Variants in CFDP1 observed in about 807,000 individuals in gnomAD.
CFDP1 encodes chromatin remodeling protein CFDP1, also known as heterochromatin-stabilizing protein CFDP1.
In CFDP1, 31 loss-of-function variants were observed where a neutral mutation model predicts 40.1. The ratio of observed to expected loss-of-function variants is 0.77; its 90% confidence interval spans 0.58 to 1.04. The LOEUF (loss-of-function observed/expected upper bound fraction) is 1.04, where lower values mean the gene tolerates loss of function less well. CFDP1 is among the 50% of genes least tolerant of loss of function. The pLI is 0.00. For missense variants in CFDP1, 423 were observed against 343.4 expected (o/e 1.23, Z -1.83); for synonymous variants, 167 against 120.0 (o/e 1.39, Z -2.56).
Position 75,433,306 on chromosome 16 carries a change from T to G in CFDP1, c.47A>C (p.Glu16Ala). The G allele has an allele frequency of 6.2e-7, 1 of 1,601,128 alleles. No individual in the cohort carries two copies. The highest frequency in any genetic ancestry group is 8.5e-7 in the Non-Finnish European group (1 of 1,174,974). Residue 16 changes from glutamate to alanine, a missense_variant, in exon 1 of 7, where the codon GAG becomes GCG. Glu to Ala is a moderately radical substitution (Grantham distance 107). Coordinates refer to ENST00000283882, the MANE Select transcript of CFDP1 (RefSeq NM_006324.3). ...TCGCTCACCCGACGGCACGTAGTCC[T>G]CGTCCTCCTCCGACGTAGAGAAGTC... is the stretch of plus-strand genomic sequence containing the variant. ...SEDFSTSEED[E>A]DYVPSGGEYS...
intron 4 of CFDP1, 69 bp from the exon 5 acceptor site, chr16:75,395,278 A>G: frequency 6.6e-7 from 1 of 1,523,668 alleles, no homozygotes. Flanking sequence ...AGAAAAGGGA[A>G]TAAAGACAAC....
intron 5 of CFDP1, among the ~76,000 whole-genome samples, chr16:75,358,275 A>ACACAGTATCTGTGAAG (rs1491169360): frequency 6.6e-6 from 1 of 152,216 alleles, no homozygotes; most frequent in Admixed American, 6.5e-5. Context: ...TGTGTAAGAA[A>ACACAGTATCTGTGAAG]CACAGTATCT....
intron 5 of CFDP1, among the ~76,000 whole-genome samples, chr16:75,374,644 C>G (rs1399806693): frequency 6.6e-6 from 1 of 151,502 alleles, no homozygotes; most frequent in African/African-American, 2.4e-5. Context: ...TAGTGAGACC[C>G]CATCTCTTAA....
rs564922805 is a variant in CFDP1 at position 75,402,671 on chromosome 16, G to A, written c.531-7462C>T. 1.2e-4 allele frequency among the ~76,000 whole-genome samples: 18 copies of A among 152,084 alleles called. No individual in the cohort carries two copies. The South Asian group carries it at 3.3e-3, about 28-fold the overall frequency. On this transcript the variant is annotated intron_variant, in intron 4 of 6. Transcript: ENST00000283882. ...TAATGCTCTTAACTTGATACAGAGA[G>A]AAAAAGGAGAATAATGACATGAAGA...
chr16:75,395,227 A>C lies in CFDP1; in HGVS notation c.531-18T>G, dbSNP rs776352284. 14 of 1,612,030 alleles carry C rather than the reference A, an allele frequency of 8.7e-6. No individual in the cohort carries two copies. Among genetic ancestry groups the C allele is most frequent in the Admixed American group, 5.0e-5 (3 of 59,842 alleles). On this transcript the variant is annotated intron_variant, in intron 4 of 6. Transcript: ENST00000283882. ...TAGTTACCCTGTGCCAAGGAAAAAGACATCAAGCTTACAAGAAGAATAAAG... is the reference window on the plus strand; with the variant it reads ...TAGTTACCCTGTGCCAAGGAAAAAGCCATCAAGCTTACAAGAAGAATAAAG...
chr16:75,351,180 G>C (rs2078607923), intron 5 of CFDP1, among the ~76,000 whole-genome samples: 1 of 152,150 alleles, frequency 6.6e-6, no homozygotes, highest in African/African-American at 2.4e-5. Flanking sequence ...TAACCTGAGA[G>C]TTCTAAACTT....
chr16:75,360,514 T>C (rs1473575784), intron 5 of CFDP1, among the ~76,000 whole-genome samples: 1 of 152,184 alleles, frequency 6.6e-6, no homozygotes, highest in Non-Finnish European at 1.5e-5. Context: ...TTTTTGTACA[T>C]GGAAAGGAAT....
At chr16:75,309,693 G>A (rs925103250) in intron 5 of CFDP1, among the ~76,000 whole-genome samples, 13 of 151,860 alleles carry the variant, frequency 8.6e-5, no homozygotes, top group African/African-American at 1.5e-4. Context: ...GGTGGCAGGC[G>A]CCTGTAGTCC....
intron 4 of CFDP1, among the ~76,000 whole-genome samples, chr16:75,403,485 C>A (rs1401196906): frequency 6.6e-6 from 1 of 152,210 alleles, no homozygotes; most frequent in Non-Finnish European, 1.5e-5. Flanking sequence ...TCCCAAAGTG[C>A]CGGGATTACA....
intron 6 of CFDP1, among the ~76,000 whole-genome samples, chr16:75,295,874 A>G (rs1484717233): frequency 1.3e-5 from 2 of 152,176 alleles, no homozygotes; most frequent in African/African-American, 4.8e-5. Flanking sequence ...ACATCTAACA[A>G]CAAACTTACT....
intron 5 of CFDP1, among the ~76,000 whole-genome samples, chr16:75,325,427 G>A (rs149874708): frequency 6.6e-6 from 1 of 152,168 alleles, no homozygotes; most frequent in Non-Finnish European, 1.5e-5. Context: ...TCTCAATGAG[G>A]CTTATGCTGA....
At chr16:75,388,664 G>A (rs902248991) in intron 5 of CFDP1, among the ~76,000 whole-genome samples, 3 of 152,168 alleles carry the variant, frequency 2.0e-5, no homozygotes, top group African/African-American at 4.8e-5. Flanking sequence ...GGCCAAATGA[G>A]GAGACTGGGA....
At chr16:75,356,475 C>A (rs2078644525) in intron 5 of CFDP1, among the ~76,000 whole-genome samples, 1 of 152,158 alleles carries the variant, frequency 6.6e-6, no homozygotes, top group Admixed American at 6.5e-5. Context: ...GGAAACTATG[C>A]TGGAAACAGA....
chr16:75,305,076 C>A lies in CFDP1; in HGVS notation c.757G>T (p.Glu253Ter), dbSNP rs1488875324. The change falls in exon 6 of 7, where the codon GAG becomes TAG. Residue 253 changes from glutamate (E) to a stop codon, truncating the protein, a stop_gained. Transcript: ENST00000283882. LOFTEE classifies it high-confidence loss of function. ...AGTTCTTCACCAATCCCCTCTTCCT[C>A]CTTGAAGCTCTCCCAGTCCAGTTTG... ...KSKLDWESFKEEEGIGEELAI... is the reference protein window; with the variant it reads ...KSKLDWESFK 5.0e-6 allele frequency: 8 copies of A among 1,614,176 alleles called. No homozygotes were observed. Among genetic ancestry groups the A allele is most frequent in the Non-Finnish European group, 6.8e-6 (8 of 1,180,022 alleles).
At chr16:75,360,407 C>T (rs1230042446) in intron 5 of CFDP1, among the ~76,000 whole-genome samples, 2 of 152,214 alleles carry the variant, frequency 1.3e-5, no homozygotes, top group African/African-American at 4.8e-5. Context: ...CTATGACAAT[C>T]TGAGCTTCAA....
intron 1 of CFDP1, among the ~76,000 whole-genome samples, chr16:75,424,930 T>C (rs2079319845): frequency 6.6e-6 from 1 of 152,196 alleles, no homozygotes; most frequent in Admixed American, 6.5e-5. Context: ...CATCACTGTC[T>C]GTGTGGAAAA....
intron 1 of CFDP1, among the ~76,000 whole-genome samples, chr16:75,425,070 T>C (rs943749303): frequency 2.0e-5 from 3 of 151,972 alleles, no homozygotes; most frequent in Admixed American, 2.0e-4. Flanking sequence ...AATAAAAACT[T>C]TTTACACCTA....
At chr16:75,316,328 G>A (rs113900301) in intron 5 of CFDP1, among the ~76,000 whole-genome samples, 2,341 of 152,212 alleles carry the variant, frequency 0.015, 18 homozygotes, top group Non-Finnish European at 0.025. Flanking sequence ...AAAGTTGACC[G>A]CTTCTTATTT....
Position 75,412,589 on chromosome 16 carries a change from G to C in CFDP1, c.348C>G (p.Ser116Arg). The C allele has an allele frequency of 6.8e-6, 11 of 1,614,154 alleles. No individual in the cohort carries two copies. The highest frequency in any genetic ancestry group is 8.5e-6 in the Non-Finnish European group (10 of 1,180,036). ...RKKKEDELWA[S>R]FLNDVGPKSK... is the part of the protein sequence containing the mutation. Reference sequence around the variant, plus strand: ...ATTTTGGTCCCACATCATTGAGGAAGCTGGCCCAGAGTTCGTCCTCCTTCT... The same window carrying C: ...ATTTTGGTCCCACATCATTGAGGAACCTGGCCCAGAGTTCGTCCTCCTTCT... The change falls in exon 3 of 7, where the codon AGC becomes AGG. Residue 116 changes from serine to arginine, a missense_variant. Transcript: ENST00000283882.
Sources: gnomAD v4.1 joint callset for allele counts (sites outside exome capture counted in the v4.1 genomes callset) on GRCh38, gnomAD v4.1.1 for gene constraint, MANE v1.5 for transcripts, NCBI Gene and HGNC (gene_info 2026-07-23, HGNC 2026-07-21) for gene names.